Variants in SLCO1B1 observed in about 807,000 individuals in gnomAD.
The protein encoded by SLCO1B1 is solute carrier organic anion transporter family member 1B1.
SLCO1B1 carries 81 observed loss-of-function variants against 70.1 expected under a neutral mutation model. The ratio of observed to expected loss-of-function variants is 1.16; its 90% confidence interval spans 0.97 to 1.39. The LOEUF (loss-of-function observed/expected upper bound fraction) is 1.39. SLCO1B1 is among the 40% of genes most tolerant of loss of function. The probability of loss-of-function intolerance (pLI) is 0.00; values close to 1 mark genes in which losing one functional copy is unlikely to be tolerated. For synonymous variants in SLCO1B1, 283 were observed against 271.5 expected, an observed-to-expected ratio of 1.04 and a Z score of -0.42; for missense variants, 895 against 799.6, an observed-to-expected ratio of 1.12 and a Z score of -1.44.
At chr12:21,188,842 T>G (rs1940993241) in intron 7 of SLCO1B1, among the ~76,000 whole-genome samples, 1 of 152,232 alleles carries the variant, frequency 6.6e-6, no homozygotes, top group African/African-American at 2.4e-5. Context: ...CTGTTTTATG[T>G]TCCTCACATG....
At chr12:21,194,306 C>T (rs752275095) in intron 7 of SLCO1B1, among the ~76,000 whole-genome samples, 6 of 152,144 alleles carry the variant, frequency 3.9e-5, no homozygotes, top group South Asian at 2.1e-4. Context: ...CGTGAGCCAC[C>T]GCGCCTGGCC....
chr12:21,135,928 C>A (rs997431719), intron 1 of SLCO1B1, among the ~76,000 whole-genome samples: 1 of 152,120 alleles, frequency 6.6e-6, no homozygotes, highest in African/African-American at 2.4e-5. Flanking sequence ...TCTTCCTAGC[C>A]TTGATGGTCT....
At chr12:21,169,436 C>T (rs1343310754) in intron 2 of SLCO1B1, among the ~76,000 whole-genome samples, 1 of 152,032 alleles carries the variant, frequency 6.6e-6, no homozygotes, top group Non-Finnish European at 1.5e-5. Flanking sequence ...GCTCCTGTGA[C>T]TCTAATTTTA....
At chr12:21,140,029 TTAAA>T (rs1940285136) in intron 1 of SLCO1B1, among the ~76,000 whole-genome samples, 1 of 152,112 alleles carries the variant, frequency 6.6e-6, no homozygotes, top group Non-Finnish European at 1.5e-5. Flanking sequence ...ATAGTATGTA[TTAAA>T]TAAAGTGTCT....
chr12:21,238,905 T>C, intron 14 of SLCO1B1, 74 bp from the exon 15 acceptor site: 1 of 851,860 alleles, frequency 1.2e-6, no homozygotes, highest in Non-Finnish European at 1.9e-6. Flanking sequence ...AGGATCTGGA[T>C]ACTGGAGAAA....
rs1281002838 is a variant in SLCO1B1, at chr12:21,205,960, G to C, written c.1424G>C (p.Gly475Ala). The change falls in exon 11 of 15, where the codon GGA becomes GCA. Residue 475 changes from glycine (G) to alanine (A), a missense_variant. Transcript: ENST00000256958. ...GAAAGTCAATGGGAACCAGTCTGTGGAAACAATGGAATAACTTACATCTCA... is the reference window on the plus strand; with the variant it reads ...GAAAGTCAATGGGAACCAGTCTGTGCAAACAATGGAATAACTTACATCTCA... ...CDESQWEPVC[G>A]NNGITYISPC... 6.2e-7 allele frequency: 1 copy of C among 1,612,196 alleles called. No homozygotes were observed. Among genetic ancestry groups the C allele is most frequent in the Non-Finnish European group, 8.5e-7 (1 of 1,178,698 alleles).
At chr12:21,202,195 A>C (rs555686189) in intron 9 of SLCO1B1, among the ~76,000 whole-genome samples, 2 of 152,076 alleles carry the variant, frequency 1.3e-5, no homozygotes, top group Non-Finnish European at 2.9e-5. Flanking sequence ...AACATCACAC[A>C]CCGGGGACTG....
chr12:21,169,236 T>C (rs1490617073), intron 2 of SLCO1B1, among the ~76,000 whole-genome samples: 2 of 152,148 alleles, frequency 1.3e-5, no homozygotes, highest in African/African-American at 4.8e-5. Flanking sequence ...TTTAGATTTA[T>C]CTTATTTGGA....
chr12:21,161,743 C>T (rs1352229865), intron 2 of SLCO1B1, among the ~76,000 whole-genome samples: 2 of 151,974 alleles, frequency 1.3e-5, no homozygotes, highest in Non-Finnish European at 2.9e-5. Context: ...ATTTTAGACT[C>T]ACACTTATAA....
At chr12:21,205,503 C>A (rs558675453) in intron 10 of SLCO1B1, among the ~76,000 whole-genome samples, 1 of 151,802 alleles carries the variant, frequency 6.6e-6, no homozygotes, top group East Asian at 1.9e-4. Flanking sequence ...ATGTCATCAC[C>A]TTACTGAAGA....
At chr12:21,163,709 T>C (rs928600047) in intron 2 of SLCO1B1, among the ~76,000 whole-genome samples, 1 of 152,170 alleles carries the variant, frequency 6.6e-6, no homozygotes, top group Admixed American at 6.6e-5. Flanking sequence ...GTGAGTTCTC[T>C]TCTTAAAAGG....
rs201212826 is a variant in SLCO1B1, at chr12:21,211,168, G to T, written c.1497+5135G>T. ...TTCAAACGGAATGCTTCCAGTTTTT[G>T]CCCATTCAGTATGATATTGGCTGTG... On this transcript the variant is annotated intron_variant, in intron 11 of 14. Coordinates refer to ENST00000256958, the MANE Select transcript of SLCO1B1 (RefSeq NM_006446.5). Among the ~76,000 whole-genome samples the T allele has an allele frequency of 5.7e-3, 863 of 152,244 alleles. 8 individuals are homozygous for T. Among genetic ancestry groups the T allele is most frequent in the East Asian group, 0.027 (140 of 5,182 alleles).
At chr12:21,182,287 C>A (rs914095055) in intron 7 of SLCO1B1, among the ~76,000 whole-genome samples, 22 of 152,112 alleles carry the variant, frequency 1.4e-4, no homozygotes, top group Non-Finnish European at 4.4e-5. Context: ...AACCCACGAC[C>A]CCCAGAGACA....
At chr12:21,215,742 A>C (rs1941349812) in intron 11 of SLCO1B1, among the ~76,000 whole-genome samples, 1 of 152,174 alleles carries the variant, frequency 6.6e-6, no homozygotes, top group Admixed American at 6.5e-5. Flanking sequence ...GTTAAGAAAG[A>C]GTCCTTCTTT....
At chr12:21,174,319 A>G (rs2121100557) in intron 3 of SLCO1B1, among the ~76,000 whole-genome samples, 1 of 152,288 alleles carries the variant, frequency 6.6e-6, no homozygotes, top group African/African-American at 2.4e-5. Context: ...ATTCCAGTAT[A>G]ATCCAGTCAA....
chr12:21,168,125 T>A (rs1192523511), intron 2 of SLCO1B1, among the ~76,000 whole-genome samples: 1 of 152,092 alleles, frequency 6.6e-6, no homozygotes, highest in Non-Finnish European at 1.5e-5. Context: ...TTGGACTACT[T>A]TAAATATTTC....
At chr12:21,169,146 G>A (rs1196711069) in intron 2 of SLCO1B1, among the ~76,000 whole-genome samples, 2 of 152,078 alleles carry the variant, frequency 1.3e-5, no homozygotes, top group Admixed American at 6.5e-5. Flanking sequence ...AATGAATGGT[G>A]TTTTGCTGCT....
chr12:21,135,987 C>T (rs908530790), intron 1 of SLCO1B1, among the ~76,000 whole-genome samples: 1 of 152,106 alleles, frequency 6.6e-6, no homozygotes, highest in Admixed American at 6.6e-5. Context: ...TGTTCCTTTC[C>T]ATGTTTAGTG....
chr12:21,147,226 T>C (rs1485183484), intron 2 of SLCO1B1, among the ~76,000 whole-genome samples: 6 of 152,178 alleles, frequency 3.9e-5, no homozygotes, highest in African/African-American at 1.4e-4. Context: ...CCAAAATTAA[T>C]TTAGATTGTC....
Sources: gnomAD v4.1 joint callset for allele counts (sites outside exome capture counted in the v4.1 genomes callset) on GRCh38, gnomAD v4.1.1 for gene constraint, MANE v1.5 for transcripts, NCBI Gene and HGNC (gene_info 2026-07-23, HGNC 2026-07-21) for gene names.